The following DPPA2 variants were observed in gnomAD, a reference collection of about 807,000 sequenced individuals.
DPPA2 encodes developmental pluripotency-associated protein 2.
A neutral mutation model predicts 36.2 loss-of-function variants in DPPA2; 26 were observed. The ratio of observed to expected loss-of-function variants is 0.72; its 90% CI spans 0.53 to 1.00. The LOEUF is 1.00. DPPA2 is among the 50% of genes least tolerant of loss of function. The probability of loss-of-function intolerance (pLI) is 0.00; values close to 1 mark genes in which losing one functional copy is unlikely to be tolerated. For missense variants in DPPA2, 361 were observed against 365.1 expected (o/e 0.99, Z 0.09); for synonymous variants, 113 against 123.2 (o/e 0.92, Z 0.55).
intron 2 of DPPA2, 46 bp downstream of exon 2, chr3:109,314,464 T>C: frequency 6.3e-7 from 1 of 1,599,248 alleles, no homozygotes; most frequent in Non-Finnish European, 8.5e-7. Flanking sequence ...AGAAAGACTC[T>C]GAAAAGCGAC....
chr3:109,298,320 A>G (rs1707388784), intron 8 of DPPA2, among the ~76,000 whole-genome samples: 1 of 152,114 alleles, frequency 6.6e-6, no homozygotes, highest in Admixed American at 6.6e-5. Context: ...AGAGGCTCAC[A>G]CCTGTAATCC....
chr3:109,300,232 C>G, intron 8 of DPPA2, 139 bp downstream of exon 8: 2 of 677,192 alleles, frequency 3.0e-6, no homozygotes, highest in East Asian at 5.2e-5. Context: ...AGACAGCAGA[C>G]AAGAGACTTT....
intron 8 of DPPA2, among the ~76,000 whole-genome samples, chr3:109,297,877 C>G (rs772114967): frequency 3.9e-5 from 6 of 152,160 alleles, no homozygotes; most frequent in Non-Finnish European, 5.9e-5. Flanking sequence ...GAGGCTAAGG[C>G]AGAAGGACAG....
At chr3:109,300,013 A>G (rs1300217326) in intron 8 of DPPA2, among the ~76,000 whole-genome samples, 1 of 152,244 alleles carries the variant, frequency 6.6e-6, no homozygotes, top group Non-Finnish European at 1.5e-5. Context: ...ACATGGGAAT[A>G]CATGGGAACC....
At chr3:109,304,188 G>A (rs1467096070) in intron 7 of DPPA2, among the ~76,000 whole-genome samples, 1 of 151,796 alleles carries the variant, frequency 6.6e-6, no homozygotes. Flanking sequence ...CAGGAGAATC[G>A]CTTGAACCCA....
rs932579318 is a variant in DPPA2 at position 109,300,342 on chromosome 3, T to C, written c.*22+29A>G. The C allele has an allele frequency of 4.5e-6, 7 of 1,556,258 alleles. No homozygotes were observed. In the South Asian group the frequency reaches 6.7e-5, roughly 15 times the overall value. On this transcript the variant is annotated intron_variant, in intron 8 of 8. Transcript: ENST00000478945. ...TGCCTTCAAATCAAAATAATACTTA[T>C]TTTGAGGTGGCATATTCTCATCTCT...
intron 7 of DPPA2, 56 bp downstream of exon 7, chr3:109,304,419 C>T (rs1707511398): frequency 6.8e-7 from 1 of 1,469,858 alleles, no homozygotes; most frequent in South Asian, 1.4e-5. Context: ...ATTTAGAAAT[C>T]CATCTATACA....
At chr3:109,299,472 A>G (rs1199048553) in intron 8 of DPPA2, among the ~76,000 whole-genome samples, 6 of 151,266 alleles carry the variant, frequency 4.0e-5, no homozygotes, top group Non-Finnish European at 7.4e-5. Context: ...AGCTGAGATC[A>G]CGCCACTGCA....
At chr3:109,299,695 AAAAAAG>A (rs1277348502) in intron 8 of DPPA2, among the ~76,000 whole-genome samples, 87 of 150,146 alleles carry the variant, frequency 5.8e-4, no homozygotes, top group Non-Finnish European at 6.8e-4. Context: ...TCAAAAAAAA[AAAAAAG>A]AAAAAGAAAA....
rs1707729298 is a variant in DPPA2 at position 109,312,550 on chromosome 3, T to C, written c.176A>G (p.Asn59Ser). The C allele has an allele frequency of 3.1e-6, 5 of 1,612,764 alleles. No individual in the cohort carries two copies. The highest frequency in any genetic ancestry group is 1.7e-4 in the Middle Eastern group (1 of 5,852). Residue 59 changes from asparagine to serine, a missense_variant, in exon 3 of 9, where the codon AAT becomes AGT. Asn to Ser is a conservative substitution (Grantham distance 46). Coordinates refer to ENST00000478945, the MANE Select transcript of DPPA2 (RefSeq NM_138815.4). The stretch of plus-strand genomic sequence containing the variant: ...AGCAATCCCTGTCCTCATACCTGGA[T>C]TGTATTTCTTAGGCTTCTCCAGTTT... ...DVKLEKPKKY[N>S]PGHLLQTNEQ...
rs745711806 is a variant in DPPA2, at chr3:109,308,140, C to T, written c.550G>A (p.Ala184Thr). 4.3e-6 allele frequency: 7 copies of T among 1,614,216 alleles called. No homozygotes were observed. The Admixed American group carries it at 1.0e-4, about 23-fold the overall frequency. Reference sequence around the variant, plus strand: ...ATTCTTGCCCATGATGCCAACATGGCTCCCGGTGCTGAAGTTATCACTTCA... The same window carrying T: ...ATTCTTGCCCATGATGCCAACATGGTTCCCGGTGCTGAAGTTATCACTTCA... The part of the protein sequence containing the change: ...TVEVITSAPG[A>T]MLASWARIAA... The change falls in exon 6 of 9, where the codon GCC becomes ACC. Residue 184 changes from alanine to threonine, a missense_variant. Ala to Thr is a moderately conservative substitution (Grantham distance 58). Transcript: ENST00000478945.
At chr3:109,307,992 G>A (rs764091858) in intron 6 of DPPA2, 40 bp downstream of exon 6, 2 of 1,595,516 alleles carry the variant, frequency 1.3e-6, no homozygotes, top group South Asian at 2.2e-5. Context: ...AGTTAACCTT[G>A]TCCTCTGGAG....
intron 8 of DPPA2, among the ~76,000 whole-genome samples, chr3:109,296,016 A>G (rs1164108126): frequency 6.6e-6 from 1 of 152,194 alleles, no homozygotes; most frequent in Non-Finnish European, 1.5e-5. Context: ...AAAATGAAAA[A>G]TCTTTTTAAA....
At chr3:109,303,588 C>G (rs1054793257) in intron 7 of DPPA2, among the ~76,000 whole-genome samples, 1 of 150,576 alleles carries the variant, frequency 6.6e-6, no homozygotes, top group Non-Finnish European at 1.5e-5. Flanking sequence ...AGGCTGGTCT[C>G]GAACTCCCGA....
At chr3:109,297,466 G>T (rs1707375929) in intron 8 of DPPA2, among the ~76,000 whole-genome samples, 1 of 151,972 alleles carries the variant, frequency 6.6e-6, no homozygotes, top group Non-Finnish European at 1.5e-5. Context: ...AAAGGTTGCA[G>T]TGAACTGAGA....
chr3:109,314,486 T>C (rs781166093), intron 2 of DPPA2, 24 bp downstream of exon 2: 16 of 1,604,570 alleles, frequency 1.0e-5, no homozygotes, highest in East Asian at 6.7e-5. Context: ...GTGAGAAAAG[T>C]AATTCTATTA....
chr3:109,305,103 AC>A (rs1185592706), intron 6 of DPPA2, among the ~76,000 whole-genome samples: 1 of 151,970 alleles, frequency 6.6e-6, no homozygotes, highest in African/African-American at 2.4e-5. Context: ...CTGAGATCAC[AC>A]CACTGCACTC....
At chr3:109,304,219 G>A (rs1007137700) in intron 7 of DPPA2, among the ~76,000 whole-genome samples, 1 of 151,802 alleles carries the variant, frequency 6.6e-6, no homozygotes, top group East Asian at 1.9e-4. Flanking sequence ...GTTGCAGTGA[G>A]CTGAGATCAT....
chr3:109,301,513 G>A (rs970177775), intron 7 of DPPA2, among the ~76,000 whole-genome samples: 1 of 151,934 alleles, frequency 6.6e-6, no homozygotes, highest in East Asian at 1.9e-4. Context: ...TTAGCTGGGT[G>A]TGGTGGTGCA....
Sources: allele counts gnomAD v4.1 joint callset (sites outside exome capture counted in the v4.1 genomes callset), GRCh38; gene constraint gnomAD v4.1.1; transcripts MANE v1.5; gene names NCBI Gene and HGNC (gene_info 2026-07-23, HGNC 2026-07-21).